Variants in ADAM18 observed in about 807,000 individuals in gnomAD.
ADAM18 encodes disintegrin and metalloproteinase domain-containing protein 18.
A neutral mutation model predicts 94.4 loss-of-function variants in ADAM18; 117 were observed. That is an observed-to-expected ratio of 1.24 (90% CI 1.07 to 1.45). The LOEUF is 1.45. ADAM18 is among the 40% of genes most tolerant of loss of function. The pLI is 0.00. For synonymous variants in ADAM18, 327 were observed against 291.6 expected (o/e 1.12, Z -1.24); for missense variants, 936 against 880.0 (o/e 1.06, Z -0.81).
intron 7 of ADAM18, among the ~76,000 whole-genome samples, chr8:39,635,514 GTTAAC>G (rs1820052120): frequency 6.7e-6 from 1 of 149,652 alleles, no homozygotes; most frequent in African/African-American, 2.4e-5. Flanking sequence ...CTTCTCCTAA[GTTAAC>G]TTCTTATATA....
intron 12 of ADAM18, among the ~76,000 whole-genome samples, chr8:39,658,355 T>C (rs1224501823): frequency 2.0e-5 from 3 of 152,164 alleles, no homozygotes; most frequent in Non-Finnish European, 4.4e-5. Context: ...ACCACATTAT[T>C]CAGATGCATC....
chr8:39,688,368 A>C (rs1821667556), intron 16 of ADAM18, among the ~76,000 whole-genome samples: 1 of 151,806 alleles, frequency 6.6e-6, no homozygotes, highest in African/African-American at 2.4e-5. Flanking sequence ...CTTTTTTCTG[A>C]ACTTCTCCCT....
intron 16 of ADAM18, among the ~76,000 whole-genome samples, chr8:39,690,752 T>C (rs908316323): frequency 1.3e-5 from 2 of 152,124 alleles, no homozygotes; most frequent in Non-Finnish European, 2.9e-5. Context: ...ACACACACGA[T>C]TGGTGGGGAT....
In ADAM18 at chr8:39,663,802, A is replaced by C; in HGVS notation, c.1238A>C (p.Gln413Pro). ...CTTCCTGTAAAATTTTAGGAATGTC[A>C]ATTTAAGAAGTGCTGTGATTATAAC... ...ECDCGNKNEC[Q>P]FKKCCDYNTC... Residue 413 changes from glutamine (Q) to proline (P), a missense_variant, in exon 13 of 20, where the codon CAA becomes CCA. Transcript: ENST00000265707. 3.7e-6 allele frequency: 6 copies of C among 1,609,986 alleles called. No individual in the cohort carries two copies. In the East Asian group the frequency reaches 8.9e-5, roughly 24 times the overall value.
intron 17 of ADAM18, among the ~76,000 whole-genome samples, chr8:39,694,509 A>G (rs1821870250): frequency 2.0e-5 from 3 of 151,490 alleles, no homozygotes; most frequent in African/African-American, 2.4e-5. Flanking sequence ...TGATAGTTTT[A>G]TATCTTGTAC....
rs114697553 is a variant in ADAM18 at position 39,648,671 on chromosome 8, T to A, written c.1230+144T>A. The A allele has an allele frequency of 1.6e-3, 1,337 of 820,260 alleles. 10 individuals carry two copies. The African/African-American group carries it at 0.021, about 13-fold the overall frequency. The allele number at this position is 820,260 out of a possible 1,614,324, so 50.8% of individuals were successfully genotyped here. A position where few individuals can be genotyped will look rare whatever the true frequency, so the allele number is the denominator to read the frequency against. On this transcript the variant is annotated intron_variant, in intron 12 of 19. Coordinates refer to ENST00000265707, the MANE Select transcript of ADAM18 (RefSeq NM_014237.3). ...ATATGAGAAACAGGATGAGTTAAGA[T>A]GTATAAATCACGTTCCCACAACTCT...
At chr8:39,642,376 G>A (rs1303235224) in intron 10 of ADAM18, among the ~76,000 whole-genome samples, 1 of 151,996 alleles carries the variant, frequency 6.6e-6, no homozygotes, top group Non-Finnish European at 1.5e-5. Context: ...GTCTTCCAGG[G>A]ATTTTATAGT....
intron 16 of ADAM18, among the ~76,000 whole-genome samples, chr8:39,687,702 A>G (rs1289041507): frequency 6.6e-6 from 1 of 152,160 alleles, no homozygotes; most frequent in East Asian, 1.9e-4. Context: ...GCTCCCACTT[A>G]TAAGTGAGAA....
intron 6 of ADAM18, among the ~76,000 whole-genome samples, chr8:39,628,460 A>ATAG (rs1819837116): frequency 1.4e-5 from 2 of 139,372 alleles, no homozygotes; most frequent in Non-Finnish European, 3.2e-5. Context: ...TAGATAGATA[A>ATAG]ACAACAATAG....
At chr8:39,601,549 A>C (rs1284798703) in intron 2 of ADAM18, among the ~76,000 whole-genome samples, 1 of 151,796 alleles carries the variant, frequency 6.6e-6, no homozygotes, top group Non-Finnish European at 1.5e-5. Flanking sequence ...TTTATTTATG[A>C]TTAGCATTTG....
intron 11 of ADAM18, among the ~76,000 whole-genome samples, chr8:39,647,313 A>G (rs1420854527): frequency 6.6e-6 from 1 of 151,998 alleles, no homozygotes; most frequent in African/African-American, 2.4e-5. Context: ...CTGGATGTGC[A>G]CGTAGGCCAG....
intron 19 of ADAM18, among the ~76,000 whole-genome samples, chr8:39,728,484 A>G (rs1404695736): frequency 6.6e-6 from 1 of 152,202 alleles, no homozygotes; most frequent in Non-Finnish European, 1.5e-5. Flanking sequence ...ATTCTTTAAT[A>G]GCAACACAAT....
intron 10 of ADAM18, among the ~76,000 whole-genome samples, chr8:39,641,353 C>T (rs913986760): frequency 1.3e-5 from 2 of 151,862 alleles, no homozygotes; most frequent in Non-Finnish European, 1.5e-5. Context: ...TTGGTTTGTG[C>T]GTCTGTTCTT....
At chr8:39,617,040 T>A (rs1397233682) in intron 6 of ADAM18, among the ~76,000 whole-genome samples, 1 of 152,082 alleles carries the variant, frequency 6.6e-6, no homozygotes, top group African/African-American at 2.4e-5. Flanking sequence ...ACTGAAAAGC[T>A]TCTGCACAAC....
Position 39,706,855 on chromosome 8 carries a change from G to A in ADAM18, c.1968G>A (p.Gln656=). The change falls in exon 18 of 20, where the codon CAG becomes CAA. Residue 656 remains glutamine, a synonymous_variant. Coordinates refer to ENST00000265707, the MANE Select transcript of ADAM18 (RefSeq NM_014237.3). ...PGHRPPDCKF[Q]FGSPGGSIDD... is the part of the protein sequence containing the mutation. ...ATAGACCTCCAGATTGTAAATTCCA[G>A]TTTGGTTCCCCAGGGGGTAGTATTG... 6.2e-7 allele frequency: 1 copy of A among 1,611,094 alleles called. No individual in the cohort carries two copies. Among genetic ancestry groups the A allele is most frequent in the Non-Finnish European group, 8.5e-7 (1 of 1,177,962 alleles).
chr8:39,606,763 G>A (rs903118224), intron 3 of ADAM18, among the ~76,000 whole-genome samples: 8 of 152,026 alleles, frequency 5.3e-5, no homozygotes, highest in East Asian at 1.9e-4. Flanking sequence ...GGGGGCAGGC[G>A]GGCTGAGTCC....
intron 18 of ADAM18, among the ~76,000 whole-genome samples, chr8:39,719,324 T>C (rs1584686): frequency 0.027 from 4,072 of 151,492 alleles, 198 homozygotes; most frequent in African/African-American, 0.094. Flanking sequence ...CACACCATGT[T>C]CAAAAATTAA....
intron 12 of ADAM18, among the ~76,000 whole-genome samples, chr8:39,660,358 A>G (rs2129579971): frequency 6.6e-6 from 1 of 152,304 alleles, no homozygotes; most frequent in East Asian, 1.9e-4. Flanking sequence ...CCAGGAGCCT[A>G]GCTTTAGCTT....
intron 12 of ADAM18, among the ~76,000 whole-genome samples, chr8:39,651,600 A>C (rs1426374506): frequency 1.4e-5 from 1 of 69,426 alleles, no homozygotes; most frequent in East Asian, 2.1e-4. Flanking sequence ...TTGAGTTGAC[A>C]GCACATGTTT....
Sources: gnomAD v4.1 joint callset for allele counts (sites outside exome capture counted in the v4.1 genomes callset) on GRCh38, gnomAD v4.1.1 for gene constraint, MANE v1.5 for transcripts, NCBI Gene and HGNC (gene_info 2026-07-23, HGNC 2026-07-21) for gene names.